Variants in TRPM3 observed in about 807,000 individuals in gnomAD.
TRPM3 encodes the protein transient receptor potential cation channel subfamily M member 3.
TRPM3 carries 77 observed loss-of-function variants against 181.2 expected under a neutral mutation model. The ratio of observed to expected loss-of-function variants is 0.42; its 90% CI spans 0.35 to 0.51. The LOEUF is 0.51. TRPM3 is among the 20% of genes least tolerant of loss of function. The pLI is 0.01. For missense variants in TRPM3, 1,759 were observed against 2,196.7 expected, an observed-to-expected ratio of 0.80 and a Z score of 3.98; for synonymous variants, 745 against 796.4, an observed-to-expected ratio of 0.94 and a Z score of 1.09.
Position 70,598,487 on chromosome 9 carries a change from T to G in TRPM3, c.2980A>C (p.Ile994Leu), listed in dbSNP as rs148097532. 2.5e-5 allele frequency: 40 copies of G among 1,614,070 alleles called. No individual in the cohort carries two copies. Among genetic ancestry groups the G allele is most frequent in the African/African-American group, 6.7e-5 (5 of 74,920 alleles). The change falls in exon 21 of 26, where the codon ATC (isoleucine) becomes CTC (leucine). Residue 994 changes from isoleucine to leucine, a missense_variant. Ile to Leu is a conservative substitution (Grantham distance 5, BLOSUM62 2). This residue lies in a region of TRPM3 where 94 missense variants were observed against 221.3 expected (regional missense o/e 0.42). Transcript: ENST00000677713. ...ACGCCGAAGATGTCTAGGAGACGGA[T>G]ATACCAGTAAATGATGTTCACGCAG... ...IYCVNIIYWY[I>L]RLLDIFGVNK...
chr9:70,862,930 C>A lies in TRPM3; in HGVS notation c.440G>T (p.Gly147Val), dbSNP rs745977353. 1 of 1,613,448 alleles carries A rather than the reference C, an allele frequency of 6.2e-7. No homozygotes were observed. Among genetic ancestry groups the A allele is most frequent in the Non-Finnish European group, 8.5e-7 (1 of 1,179,600 alleles). Residue 147 changes from glycine to valine, a missense_variant, in exon 3 of 26, where the codon GGT becomes GTT. Physicochemically the swap from Gly to Val is moderately radical, Grantham distance 109 (BLOSUM62 -3). Transcript: ENST00000677713. ...DAFGTIEFQG[G>V]GHSNKAMYVR... is the part of the protein sequence containing the mutation. ...TACCATGGCTTTGTTGGAATGGCCACCTCCTTGGAACTCAATGGTCCCAAA... is the reference window on the plus strand; with the variant it reads ...TACCATGGCTTTGTTGGAATGGCCAACTCCTTGGAACTCAATGGTCCCAAA...
At chr9:70,607,893 T>C (rs1318718330) in intron 19 of TRPM3, among the ~76,000 whole-genome samples, 2 of 152,206 alleles carry the variant, frequency 1.3e-5, no homozygotes, top group African/African-American at 2.4e-5. Context: ...CAACTTGATG[T>C]GGTAGCACAA....
chr9:71,251,943 G>C (rs928010015), intron 1 of TRPM3, among the ~76,000 whole-genome samples: 9 of 151,936 alleles, frequency 5.9e-5, no homozygotes, highest in Non-Finnish European at 1.2e-4. Context: ...CCACAAATAA[G>C]TAAGAACTTA....
chr9:71,104,758 A>T (rs570065688), intron 1 of TRPM3, among the ~76,000 whole-genome samples: 31 of 152,290 alleles, frequency 2.0e-4, no homozygotes, highest in African/African-American at 7.2e-4. Context: ...CACATTACTC[A>T]TTAGGGAAAT....
chr9:70,776,954 G>A (rs887825202), intron 7 of TRPM3, among the ~76,000 whole-genome samples: 5 of 152,134 alleles, frequency 3.3e-5, no homozygotes, highest in African/African-American at 1.2e-4. Flanking sequence ...GGATATTTAG[G>A]GGGAGCTGGA....
chr9:71,121,508 C>G lies in TRPM3; in HGVS notation c.-154G>C. ...CCGTGCTCATGCATACCAAATGTGG[C>G]TGAATGGAGGCACACTGCCTGCTGC... is the stretch of plus-strand genomic sequence containing the variant. On this transcript the variant is annotated 5_prime_UTR_variant, in exon 1 of 26. Coordinates refer to ENST00000677713, the MANE Select transcript of TRPM3 (RefSeq NM_001366145.2). 7.1e-7 allele frequency: 1 copy of G among 1,412,742 alleles called. No individual in the cohort carries two copies. The highest frequency in any genetic ancestry group is 9.2e-7 in the Non-Finnish European group (1 of 1,087,052). The allele number at this position is 1,412,742 out of a possible 1,614,324, so 87.5% of individuals were successfully genotyped here.
At chr9:71,240,954 ATAT>A (rs1291265720) in intron 1 of TRPM3, among the ~76,000 whole-genome samples, 2 of 152,186 alleles carry the variant, frequency 1.3e-5, no homozygotes, top group African/African-American at 4.8e-5. Context: ...ATTGTGCTTT[ATAT>A]TATTAGTCAA....
At chr9:70,675,929 TAA>T (rs2063906802) in intron 9 of TRPM3, among the ~76,000 whole-genome samples, 1 of 152,222 alleles carries the variant, frequency 6.6e-6, no homozygotes, top group Admixed American at 6.5e-5. Flanking sequence ...TTAACATTTT[TAA>T]AAAAGCCTAA....
intron 1 of TRPM3, among the ~76,000 whole-genome samples, chr9:71,264,411 C>T (rs999093392): frequency 6.6e-6 from 1 of 152,022 alleles, no homozygotes; most frequent in African/African-American, 2.4e-5. Context: ...TTTCATTTAT[C>T]AATTACACTT....
chr9:70,694,830 ATGT>A (rs1273865799), intron 8 of TRPM3, among the ~76,000 whole-genome samples: 3 of 152,232 alleles, frequency 2.0e-5, no homozygotes, highest in African/African-American at 7.2e-5. Flanking sequence ...CATTTTAAAA[ATGT>A]TGTTCATATG....
intron 9 of TRPM3, among the ~76,000 whole-genome samples, chr9:70,678,563 C>G (rs1246945052): frequency 6.6e-6 from 1 of 152,184 alleles, no homozygotes; most frequent in Non-Finnish European, 1.5e-5. Context: ...GCAAAGAAAT[C>G]TTTTCCCCAT....
intron 1 of TRPM3, among the ~76,000 whole-genome samples, chr9:71,318,402 T>C (rs1248512293): frequency 6.6e-6 from 1 of 152,218 alleles, no homozygotes; most frequent in African/African-American, 2.4e-5. Context: ...GATGAACTTT[T>C]ATTGCACATA....
intron 9 of TRPM3, among the ~76,000 whole-genome samples, chr9:70,654,273 G>A (rs543046158): frequency 2.0e-5 from 3 of 152,206 alleles, no homozygotes; most frequent in South Asian, 2.1e-4. Flanking sequence ...GAAGAGAAAG[G>A]GCATTTGCTC....
At chr9:70,634,297 A>G (rs2066469649) in intron 12 of TRPM3, among the ~76,000 whole-genome samples, 1 of 152,052 alleles carries the variant, frequency 6.6e-6, no homozygotes, top group Non-Finnish European at 1.5e-5. Context: ...TTTAGTAGAG[A>G]CAGGGTTTCA....
At chr9:71,399,291 G>A (rs755555209) in intron 1 of TRPM3, among the ~76,000 whole-genome samples, 1 of 152,048 alleles carries the variant, frequency 6.6e-6, no homozygotes, top group Non-Finnish European at 1.5e-5. Flanking sequence ...AATGTTCAAA[G>A]CACTAAGAAC....
intron 9 of TRPM3, among the ~76,000 whole-genome samples, chr9:70,649,799 C>T (rs1442422728): frequency 2.0e-5 from 3 of 152,148 alleles, no homozygotes; most frequent in African/African-American, 7.2e-5. Context: ...ACCCAGCAAT[C>T]CCATTACTGG....
chr9:70,858,662 G>A (rs1273155682), intron 3 of TRPM3, among the ~76,000 whole-genome samples: 2 of 151,942 alleles, frequency 1.3e-5, no homozygotes, highest in East Asian at 3.9e-4. Flanking sequence ...ACGCTCGTAG[G>A]GACAGCTCTG....
intron 12 of TRPM3, among the ~76,000 whole-genome samples, chr9:70,629,216 G>GGGGT (rs1554790147): frequency 1.7e-5 from 1 of 60,200 alleles, no homozygotes; most frequent in Non-Finnish European, 3.4e-5. Flanking sequence ...GACCAGTGCC[G>GGGGT]GGGGGGGGGG....
chr9:70,893,695 C>T (rs1219526807), intron 1 of TRPM3, among the ~76,000 whole-genome samples: 2 of 152,200 alleles, frequency 1.3e-5, no homozygotes, highest in Admixed American at 1.3e-4. Flanking sequence ...AAGCAAAGCG[C>T]CCTCCTCCTG....
Sources: gnomAD v4.1 joint callset for allele counts (sites outside exome capture counted in the v4.1 genomes callset) on GRCh38, gnomAD v4.1.1 for gene constraint, gnomAD v4.1.1 regional missense constraint, MANE v1.5 for transcripts, NCBI Gene and HGNC (gene_info 2026-07-23, HGNC 2026-07-21) for gene names.